COL9A1: variants seen among roughly 807,000 people sequenced by gnomAD.
The protein encoded by COL9A1 is collagen alpha-1(IX) chain.
A neutral mutation model predicts 142.6 loss-of-function variants in COL9A1; 104 were observed. The observed-to-expected ratio is 0.73, with a 90% CI of 0.62 to 0.86. The LOEUF (loss-of-function observed/expected upper bound fraction) is 0.86, where lower values mean the gene tolerates loss of function less well. COL9A1 is among the 40% of genes least tolerant of loss of function. COL9A1 has a pLI of 0.00. For synonymous variants in COL9A1, 466 were observed against 396.0 expected (o/e 1.18, Z -2.10); for missense variants, 1,210 against 1,176.6 (o/e 1.03, Z -0.42).
intron 5 of COL9A1, among the ~76,000 whole-genome samples, chr6:70,288,828 G>T (rs538245050): frequency 6.6e-6 from 1 of 152,064 alleles, no homozygotes; most frequent in South Asian, 2.1e-4. Context: ...TTTCCCCATA[G>T]CATTTATGAC....
chr6:70,237,311 T>A (rs1317544143), intron 33 of COL9A1, among the ~76,000 whole-genome samples: 1 of 152,160 alleles, frequency 6.6e-6, no homozygotes, highest in African/African-American at 2.4e-5. Context: ...GGACCCTGGG[T>A]CTCTGGGAAA....
chr6:70,285,782 T>C (rs1262599854), intron 5 of COL9A1, among the ~76,000 whole-genome samples: 7 of 152,258 alleles, frequency 4.6e-5, no homozygotes, highest in African/African-American at 1.4e-4. Flanking sequence ...CTTCTCAACA[T>C]AAAATATTTC....
In COL9A1 at chr6:70,242,663, A is replaced by G; in HGVS notation, c.1925T>C (p.Leu642Pro). ...PVGSPGLPGKLGSLGSPGLPG... is the reference protein window; with the variant it reads ...PVGSPGLPGKPGSLGSPGLPG... ...AATAAACGAAACTTTTCTACTTACC[A>G]GTTTACCTGGTAGGCCTGGGGATCC... The change falls in exon 29 of 38, where the codon CTG becomes CCG. Residue 642 changes from leucine to proline, a missense_variant and splice_region_variant. Leu to Pro is a moderately conservative substitution (Grantham distance 98, BLOSUM62 -3). Coordinates refer to ENST00000357250, the MANE Select transcript of COL9A1 (RefSeq NM_001851.6). 5.6e-6 allele frequency: 9 copies of G among 1,613,984 alleles called. No individual in the cohort carries two copies. The highest frequency in any genetic ancestry group is 6.8e-6 in the Non-Finnish European group (8 of 1,179,836).
intron 2 of COL9A1, among the ~76,000 whole-genome samples, chr6:70,301,381 G>T (rs1583357407): frequency 6.6e-6 from 1 of 152,126 alleles, no homozygotes; most frequent in African/African-American, 2.4e-5. Context: ...TTCAAGACCA[G>T]CCTGACCAAC....
chr6:70,265,500 C>CTT (rs57504613), intron 18 of COL9A1, among the ~76,000 whole-genome samples: 17,008 of 136,448 alleles, frequency 0.12, 1,328 homozygotes, highest in Non-Finnish European at 0.18. Flanking sequence ...TGTGCTTGTA[C>CTT]TTTTTTTTTT....
intron 28 of COL9A1, 90 bp from the exon 29 acceptor site, chr6:70,242,805 T>A (rs567058681): frequency 1.7e-4 from 221 of 1,317,488 alleles, no homozygotes; most frequent in Admixed American, 5.1e-4. Context: ...CTACCTAGGT[T>A]TTTTTCCTTC....
intron 26 of COL9A1, 157 bp downstream of exon 26, chr6:70,253,228 G>A: frequency 5.4e-6 from 3 of 550,796 alleles, no homozygotes; most frequent in South Asian, 5.5e-5. Flanking sequence ...CTAGGAAAAA[G>A]ATTAGTATTT....
At chr6:70,249,367 C>T (rs1770791203) in intron 28 of COL9A1, among the ~76,000 whole-genome samples, 1 of 152,106 alleles carries the variant, frequency 6.6e-6, no homozygotes, top group Non-Finnish European at 1.5e-5. Context: ...GGATGTGAGA[C>T]ACCCTGCCAT....
Position 70,241,945 on chromosome 6 carries a change from G to A in COL9A1, c.1998+19C>T. On this transcript the variant is annotated intron_variant, in intron 30 of 37. Coordinates refer to ENST00000357250, the MANE Select transcript of COL9A1 (RefSeq NM_001851.6). ...CACCCTTCCAAATAAAGAACCTTCT[G>A]GAGTGCTGGAGCTCTTACCCTGTCA... 2 of 1,575,048 alleles carry A rather than the reference G, an allele frequency of 1.3e-6. No homozygotes were observed. The highest frequency in any genetic ancestry group is 1.2e-5 in the South Asian group (1 of 86,114).
chr6:70,297,280 C>T (rs1012422625), intron 4 of COL9A1, among the ~76,000 whole-genome samples: 1 of 152,020 alleles, frequency 6.6e-6, no homozygotes, highest in East Asian at 1.9e-4. Flanking sequence ...ACAGATACAT[C>T]GTTAAACTAA....
chr6:70,253,185 T>C lies in COL9A1; in HGVS notation c.1764+200A>G. On this transcript the variant is annotated intron_variant, in intron 26 of 37. Transcript: ENST00000357250. ...GACATTTTCATTAAGGAAATCTAAT[T>C]AGCAGCATTTTGTCAAAGTATGCTT... 5 of 490,368 alleles carry C rather than the reference T, an allele frequency of 1.0e-5. No homozygotes were observed. The South Asian group carries it at 1.5e-4, about 15-fold the overall frequency. The allele number at this position is 490,368 out of a possible 1,614,324, so 30.4% of individuals were successfully genotyped here. A position where few individuals can be genotyped will look rare whatever the true frequency, so the allele number is the denominator to read the frequency against.
chr6:70,231,918 C>T (rs141061462), intron 36 of COL9A1, among the ~76,000 whole-genome samples: 25 of 152,274 alleles, frequency 1.6e-4, no homozygotes, highest in Non-Finnish European at 3.4e-4. Flanking sequence ...CCAGTTCTTC[C>T]ACCAGTCCTG....
chr6:70,240,110 A>G (rs893622214), intron 32 of COL9A1, among the ~76,000 whole-genome samples: 1 of 152,228 alleles, frequency 6.6e-6, no homozygotes, highest in Non-Finnish European at 1.5e-5. Flanking sequence ...TGTCAAAACC[A>G]TAATGATGAG....
intron 30 of COL9A1, 79 bp from the exon 31 acceptor site, chr6:70,241,533 G>T: frequency 8.3e-7 from 1 of 1,197,930 alleles, no homozygotes; most frequent in Non-Finnish European, 1.2e-6. Flanking sequence ...TTGGGTGGGT[G>T]GATAAGCACA....
At chr6:70,293,094 G>T (rs995935536) in intron 5 of COL9A1, among the ~76,000 whole-genome samples, 2 of 152,108 alleles carry the variant, frequency 1.3e-5, no homozygotes, top group African/African-American at 2.4e-5. Flanking sequence ...CTTCTTTGGA[G>T]ACATGCACAG....
At chr6:70,284,047 C>T (rs1001802398) in intron 5 of COL9A1, among the ~76,000 whole-genome samples, 5 of 152,136 alleles carry the variant, frequency 3.3e-5, no homozygotes, top group African/African-American at 9.7e-5. Context: ...ATGTCTTTAG[C>T]TTTGAATTAT....
intron 36 of COL9A1, among the ~76,000 whole-genome samples, chr6:70,231,900 T>C (rs1354242971): frequency 6.6e-6 from 1 of 152,140 alleles, no homozygotes; most frequent in East Asian, 1.9e-4. Flanking sequence ...AAACTCCAAA[T>C]GAGACAGCCA....
chr6:70,269,656 C>T lies in COL9A1; in HGVS notation c.1207G>A (p.Gly403Ser). 6 of 1,590,548 alleles carry T rather than the reference C, an allele frequency of 3.8e-6. No homozygotes were observed. The highest frequency in any genetic ancestry group is 5.2e-6 in the Non-Finnish European group (6 of 1,158,620). Residue 403 changes from glycine to serine, a missense_variant, in exon 16 of 38, where the codon GGC becomes AGC. Coordinates refer to ENST00000357250, the MANE Select transcript of COL9A1 (RefSeq NM_001851.6). ...PGPPGPRGTI[G>S]FHDGDPLCPN... is the part of the protein sequence containing the mutation. ...ACCAATGGATCTCCATCATGAAAGCCAATTGTTCCCTAAAGTAAACAAAAT... is the reference window on the plus strand; with the variant it reads ...ACCAATGGATCTCCATCATGAAAGCTAATTGTTCCCTAAAGTAAACAAAAT...
At chr6:70,277,530 TAC>T (rs1014066964) in intron 10 of COL9A1, among the ~76,000 whole-genome samples, 1 of 152,210 alleles carries the variant, frequency 6.6e-6, no homozygotes, top group Non-Finnish European at 1.5e-5. Flanking sequence ...TGAATATTCA[TAC>T]AGACAAACTT....
Sources: allele counts gnomAD v4.1 joint callset (sites outside exome capture counted in the v4.1 genomes callset), GRCh38; gene constraint gnomAD v4.1.1; transcripts MANE v1.5; gene names NCBI Gene and HGNC (gene_info 2026-07-23, HGNC 2026-07-21).